IL12RB1: variants seen among roughly 807,000 people sequenced by gnomAD.
IL12RB1 encodes the protein interleukin-12 receptor subunit beta-1.
IL12RB1 carries 64 observed loss-of-function variants against 94.4 expected under a neutral mutation model. That is an observed-to-expected ratio of 0.68 (90% confidence interval 0.55 to 0.83). The LOEUF is 0.83. Among genes scored for constraint, IL12RB1 ranks in the 40% least tolerant of loss-of-function variants. The pLI is 0.00. For synonymous variants in IL12RB1, 362 were observed against 355.5 expected (o/e 1.02, Z -0.21); for missense variants, 814 against 855.6 (o/e 0.95, Z 0.61).
At chr19:18,078,751 C>A (rs1034767886) in intron 4 of IL12RB1, among the ~76,000 whole-genome samples, 10 of 152,044 alleles carry the variant, frequency 6.6e-5, no homozygotes, top group Non-Finnish European at 1.3e-4. Flanking sequence ...TTTCAAGGAA[C>A]CTGACCCAAG....
At chr19:18,074,514 G>A (rs555325788) in intron 7 of IL12RB1, among the ~76,000 whole-genome samples, 1 of 152,148 alleles carries the variant, frequency 6.6e-6, no homozygotes, top group Non-Finnish European at 1.5e-5. Flanking sequence ...TTGGGAGACC[G>A]TGGTGGGAGG....
At chr19:18,061,880 G>GAAAAAAAAA (rs1347439324) in intron 14 of IL12RB1, among the ~76,000 whole-genome samples, 1 of 77,670 alleles carries the variant, frequency 1.3e-5, no homozygotes, top group Non-Finnish European at 3.0e-5. Flanking sequence ...AAAAAAAAAA[G>GAAAAAAAAA]AAAGAAATTT....
chr19:18,074,264 G>T (rs571042410), intron 7 of IL12RB1, among the ~76,000 whole-genome samples: 28 of 152,000 alleles, frequency 1.8e-4, no homozygotes, highest in Non-Finnish European at 2.9e-4. Context: ...CTCTGGCCTC[G>T]GCCTCCCAAA....
intron 1 of IL12RB1, among the ~76,000 whole-genome samples, chr19:18,098,547 G>A (rs1599627591): frequency 6.6e-6 from 1 of 152,054 alleles, no homozygotes; most frequent in South Asian, 2.1e-4. Context: ...GGACACAGGC[G>A]TCGGGGACAG....
At chr19:18,068,591 T>C in intron 10 of IL12RB1, 65 bp from the exon 11 acceptor site, 2 of 1,385,538 alleles carry the variant, frequency 1.4e-6, no homozygotes, top group East Asian at 2.3e-5. Flanking sequence ...ACCTTTGCAC[T>C]GGCTGTGCCA....
At chr19:18,097,503 G>C (rs1364352201) in intron 1 of IL12RB1, among the ~76,000 whole-genome samples, 1 of 152,108 alleles carries the variant, frequency 6.6e-6, no homozygotes, top group Non-Finnish European at 1.5e-5. Flanking sequence ...CGGCCAATGC[G>C]CTGGGCATAT....
In IL12RB1 at chr19:18,073,617, C is replaced by G; in HGVS notation, c.701-18G>C. 1 of 1,487,648 alleles carries G rather than the reference C, an allele frequency of 6.7e-7. No homozygotes were observed. Among genetic ancestry groups the G allele is most frequent in the South Asian group, 1.1e-5 (1 of 87,954 alleles). 92.2% of individuals were successfully genotyped at this position (1,487,648 alleles called of 1,614,324 possible). A position where few individuals can be genotyped will look rare whatever the true frequency, so the allele number is the denominator to read the frequency against. ...GGGGTTTTCTGCAATCAGAACCAAA[C>G]CAACTAGACGAATTGGAAGGAGAGA... On this transcript the variant is annotated intron_variant, in intron 7 of 16. Coordinates refer to ENST00000593993, the MANE Select transcript of IL12RB1 (RefSeq NM_005535.3).
At position 18,075,767 on chromosome 19, in the gene IL12RB1, G is replaced by A. The variant is rs763646234; in HGVS notation, c.682C>T (p.Pro228Ser). 2.0e-5 allele frequency: 32 copies of A among 1,612,782 alleles called. No homozygotes were observed. In the East Asian group the frequency reaches 6.2e-4, roughly 31 times the overall value. ...QGSSWSKWSSPVCVPPENPPQ... is the reference protein window; with the variant it reads ...QGSSWSKWSSSVCVPPENPPQ... ...ATCTTACCAGGGGGAACGCACACGG[G>A]GCTGCTCCACTTGCTCCAGGAACTT... Residue 228 changes from proline to serine, a missense_variant, in exon 7 of 17, where the codon CCC becomes TCC. Pro to Ser is a moderately conservative substitution (Grantham distance 74, BLOSUM62 -1). Coordinates refer to ENST00000593993, the MANE Select transcript of IL12RB1 (RefSeq NM_005535.3).
intron 3 of IL12RB1, among the ~76,000 whole-genome samples, 196 bp downstream of exon 3, chr19:18,081,954 A>C (rs1467344899): frequency 6.6e-6 from 1 of 152,246 alleles, no homozygotes; most frequent in Admixed American, 6.5e-5. Flanking sequence ...ATGGCCACCC[A>C]CCCTGGGATG....
At chr19:18,067,577 G>A (rs1351049499) in intron 11 of IL12RB1, among the ~76,000 whole-genome samples, 1 of 152,108 alleles carries the variant, frequency 6.6e-6, no homozygotes, top group Non-Finnish European at 1.5e-5. Context: ...GCCAAGGCAG[G>A]TGGATCACGA....
At position 18,063,920 on chromosome 19, in the gene IL12RB1, G is replaced by A. The variant is rs775513511; in HGVS notation, c.1574C>T (p.Ala525Val). ...CTGGCTCCAGACACCCCTCAGCCAC[G>A]CTGTGTCTGCTCGCACCTGCACCGT... The part of the protein sequence containing the change: ...AYTVQVRADT[A>V]WLRGVWSQPQ... The change falls in exon 13 of 17, where the codon GCG becomes GTG. Residue 525 changes from alanine (A) to valine (V), a missense_variant. Ala to Val is a moderately conservative substitution (Grantham distance 64). Transcript: ENST00000593993. 9.9e-6 allele frequency: 16 copies of A among 1,613,092 alleles called. No homozygotes were observed. Among genetic ancestry groups the A allele is most frequent in the East Asian group, 8.9e-5 (4 of 44,872 alleles).
At chr19:18,092,455 A>G (rs1339759529) in intron 1 of IL12RB1, among the ~76,000 whole-genome samples, 1 of 151,650 alleles carries the variant, frequency 6.6e-6, no homozygotes, top group Non-Finnish European at 1.5e-5. Context: ...GTGCCATTGC[A>G]CTCCAGCCTG....
intron 1 of IL12RB1, among the ~76,000 whole-genome samples, chr19:18,085,752 G>A (rs1159800864): frequency 6.6e-6 from 1 of 151,916 alleles, no homozygotes; most frequent in African/African-American, 2.4e-5. Context: ...GGGAGTACAG[G>A]TGCCCATCAT....
chr19:18,092,541 G>A (rs917252276), intron 1 of IL12RB1, among the ~76,000 whole-genome samples: 6 of 151,764 alleles, frequency 4.0e-5, no homozygotes, highest in South Asian at 4.2e-4. Flanking sequence ...ATGGTGGCAC[G>A]CGCCTGTAAT....
rs761367526 is a variant in IL12RB1, at chr19:18,083,427, C to G, written c.124+5G>C. 2 of 1,613,954 alleles carry G rather than the reference C, an allele frequency of 1.2e-6. No homozygotes were observed. Among genetic ancestry groups the G allele is most frequent in the Non-Finnish European group, 1.7e-6 (2 of 1,179,870 alleles). On this transcript the variant is annotated splice_donor_5th_base_variant and intron_variant, in intron 2 of 16. Coordinates refer to ENST00000593993, the MANE Select transcript of IL12RB1 (RefSeq NM_005535.3). ...CTCAGCCAACAATGAGGAACTGCCC[C>G]GAACCTGAGTCTGCATCCGGATATG...
chr19:18,084,684 T>G (rs1297125369), intron 1 of IL12RB1, among the ~76,000 whole-genome samples: 2 of 149,568 alleles, frequency 1.3e-5, no homozygotes, highest in Non-Finnish European at 2.9e-5. Flanking sequence ...CATCCATCCA[T>G]CCATCCATCC....
In IL12RB1 at chr19:18,059,626, A is replaced by C. The variant is rs377287376; in HGVS notation, c.1984-13T>G. ...TCAACGATCACATCTGTAAAGTACA[A>C]CAGTCATGGTTCCTTTCAGGGGGTG... On this transcript the variant is annotated splice_polypyrimidine_tract_variant and intron_variant, in intron 16 of 16. Coordinates refer to ENST00000593993, the MANE Select transcript of IL12RB1 (RefSeq NM_005535.3). 3 of 780,496 alleles carry C rather than the reference A, an allele frequency of 3.8e-6. No homozygotes were observed. In the African/African-American group the frequency reaches 5.1e-5, roughly 13 times the overall value. The allele number at this position is 780,496 out of a possible 1,614,324, so 48.3% of individuals were successfully genotyped here.
At chr19:18,095,262 A>G (rs927183412) in intron 1 of IL12RB1, among the ~76,000 whole-genome samples, 17 of 152,188 alleles carry the variant, frequency 1.1e-4, no homozygotes, top group African/African-American at 4.1e-4. Flanking sequence ...AGCTACCAAA[A>G]TGTGAAAAAA....
chr19:18,060,816 C>T (rs1029464484), intron 15 of IL12RB1, among the ~76,000 whole-genome samples: 1 of 152,080 alleles, frequency 6.6e-6, no homozygotes, highest in African/African-American at 2.4e-5. Context: ...AGCCTGCCTG[C>T]GGAAGAACCC....
Sources: gnomAD v4.1 joint callset for allele counts (sites outside exome capture counted in the v4.1 genomes callset) on GRCh38, gnomAD v4.1.1 for gene constraint, MANE v1.5 for transcripts, NCBI Gene and HGNC (gene_info 2026-07-23, HGNC 2026-07-21) for gene names.